Variants in WDR37 observed in about 807,000 individuals in gnomAD.
WDR37 encodes the protein WD repeat-containing protein 37.
WDR37 carries 19 observed loss-of-function variants against 62.9 expected under a neutral mutation model. That is an observed-to-expected ratio of 0.30 (90% confidence interval 0.21 to 0.44). The LOEUF is 0.44. Ranked by LOEUF, WDR37 falls within the 20% of genes least tolerant of loss-of-function variation. The pLI is 1.00. For missense variants in WDR37, 474 were observed against 657.6 expected, an observed-to-expected ratio of 0.72 and a Z score of 3.05; for synonymous variants, 250 against 260.9, an observed-to-expected ratio of 0.96 and a Z score of 0.40.
intron 9 of WDR37, among the ~76,000 whole-genome samples, chr10:1,099,808 G>A (rs1472228018): frequency 1.3e-5 from 2 of 151,028 alleles, no homozygotes; most frequent in East Asian, 3.9e-4. Context: ...AATTCAAAAT[G>A]TGCACTAATG....
chr10:1,111,518 C>T (rs757446393), intron 11 of WDR37, among the ~76,000 whole-genome samples: 7 of 152,194 alleles, frequency 4.6e-5, no homozygotes, highest in Admixed American at 2.0e-4. Flanking sequence ...TCCCCTGAAA[C>T]GTGTGGTCAT....
At chr10:1,089,969 G>A (rs1355816521) in intron 7 of WDR37, among the ~76,000 whole-genome samples, 3 of 151,970 alleles carry the variant, frequency 2.0e-5, no homozygotes, top group Non-Finnish European at 4.4e-5. Flanking sequence ...TTCCACTAGG[G>A]GATTTTTCTT....
intron 1 of WDR37, 94 bp from the exon 2 acceptor site, chr10:1,072,022 G>A (rs1833746895): frequency 1.0e-6 from 1 of 976,338 alleles, no homozygotes; most frequent in Admixed American, 3.0e-5. Flanking sequence ...TAGTAAGGAA[G>A]CTTGTAATTA....
chr10:1,107,069 T>G (rs1189923503), intron 11 of WDR37, among the ~76,000 whole-genome samples: 4 of 152,230 alleles, frequency 2.6e-5, no homozygotes, highest in Non-Finnish European at 5.9e-5. Flanking sequence ...AGCACTGTGT[T>G]GTTGCTGCAT....
chr10:1,101,758 C>T (rs948945595), intron 9 of WDR37, among the ~76,000 whole-genome samples: 1 of 152,156 alleles, frequency 6.6e-6, no homozygotes, highest in Non-Finnish European at 1.5e-5. Context: ...AATGTTGTTC[C>T]TCAGCCCGGG....
At chr10:1,104,423 G>A (rs68128658) in intron 10 of WDR37, among the ~76,000 whole-genome samples, 2 of 152,162 alleles carry the variant, frequency 1.3e-5, no homozygotes, top group African/African-American at 2.4e-5. Context: ...CACAGCAGCC[G>A]CTTTCCTCTG....
chr10:1,108,617 C>T lies in WDR37; in HGVS notation c.1103+3350C>T, dbSNP rs146697712. On this transcript the variant is annotated intron_variant, in intron 11 of 13. Transcript: ENST00000263150. ...AGTCCTGCAGAAGGGGATCTTTGTA[C>T]TTCTGTCTACACTGGTTAGTTGGCA... Among the ~76,000 whole-genome samples, 673 of 152,266 alleles carry T rather than the reference C, an allele frequency of 4.4e-3. 5 individuals are homozygous for T. Among genetic ancestry groups the T allele is most frequent in the African/African-American group, 0.016 (648 of 41,522 alleles).
chr10:1,083,376 C>T (rs567342995), intron 5 of WDR37, among the ~76,000 whole-genome samples: 13 of 152,284 alleles, frequency 8.5e-5, no homozygotes, highest in East Asian at 1.9e-4. Context: ...CTCGAGGGTG[C>T]GGACCCAAAT....
intron 9 of WDR37, among the ~76,000 whole-genome samples, chr10:1,100,824 AC>A (rs931201372): frequency 2.6e-5 from 4 of 151,916 alleles, no homozygotes; most frequent in Admixed American, 6.6e-5. Context: ...GTCACCCATC[AC>A]CCCCTGCCTT....
chr10:1,062,394 C>T (rs1485605701), intron 1 of WDR37, among the ~76,000 whole-genome samples: 2 of 152,142 alleles, frequency 1.3e-5, no homozygotes, highest in Non-Finnish European at 2.9e-5. Context: ...ATTGTAATCT[C>T]TGCATTTTTG....
In WDR37 at chr10:1,129,631, G is replaced by C. The variant is rs1259347415; in HGVS notation, c.*287G>C. On this transcript the variant is annotated 3_prime_UTR_variant, in exon 14 of 14. Transcript: ENST00000263150. ...AAATGCTTGTGAGTTGTTGACATTGGACAGGTGAACAGTAGGGCATTACAT... is the reference window on the plus strand; with the variant it reads ...AAATGCTTGTGAGTTGTTGACATTGCACAGGTGAACAGTAGGGCATTACAT... 2 of 323,696 alleles carry C rather than the reference G, an allele frequency of 6.2e-6. No homozygotes were observed. Among genetic ancestry groups the C allele is most frequent in the African/African-American group, 2.1e-5 (1 of 47,072 alleles). The allele number at this position is 323,696 out of a possible 1,614,324, so 20.1% of individuals were successfully genotyped here.
chr10:1,061,337 A>G (rs1270130982), intron 1 of WDR37, among the ~76,000 whole-genome samples: 5 of 152,092 alleles, frequency 3.3e-5, no homozygotes, highest in African/African-American at 1.2e-4. Flanking sequence ...CCCTCTTCCC[A>G]TGATACCAAC....
chr10:1,089,625 A>G (rs1172270983), intron 7 of WDR37, among the ~76,000 whole-genome samples: 7 of 90,282 alleles, frequency 7.8e-5, no homozygotes, highest in African/African-American at 1.4e-4. Context: ...CAACCTTCCC[A>G]TGCTCACCCA....
chr10:1,098,887 TC>T (rs34884137), intron 9 of WDR37, among the ~76,000 whole-genome samples: 1 of 152,188 alleles, frequency 6.6e-6, no homozygotes, highest in Non-Finnish European at 1.5e-5. Flanking sequence ...GCTCCATCCT[TC>T]CTTTCAACAG....
Position 1,129,682 on chromosome 10 carries a change from GTATT to G in WDR37, c.*339_*342del. The G allele has an allele frequency of 5.3e-6, 1 of 187,578 alleles. No individual in the cohort carries two copies. 11.6% of individuals were successfully genotyped at this position (187,578 alleles called of 1,614,324 possible). A position where few individuals can be genotyped will look rare whatever the true frequency, so the allele number is the denominator to read the frequency against. ...TTGTGTGAATTAAATGTGAACTTCT[GTATT>G]ACGTTGCGGCGTCGGCAGTCCTGCG... On this transcript the variant is annotated 3_prime_UTR_variant, in exon 14 of 14. Coordinates refer to ENST00000263150, the MANE Select transcript of WDR37 (RefSeq NM_014023.4).
chr10:1,074,966 C>T (rs571918720), intron 2 of WDR37, among the ~76,000 whole-genome samples: 3 of 152,350 alleles, frequency 2.0e-5, no homozygotes, highest in Non-Finnish European at 2.9e-5. Context: ...CAGGTGCTTT[C>T]AGGTGTGTGT....
chr10:1,125,625 C>G (rs2131695347), intron 13 of WDR37, among the ~76,000 whole-genome samples: 1 of 152,240 alleles, frequency 6.6e-6, no homozygotes, highest in South Asian at 2.1e-4. Context: ...GTGGTGGTGG[C>G]TCTGTGGGGA....
Position 1,093,515 on chromosome 10 carries a change from T to C in WDR37, c.649+19T>C. On this transcript the variant is annotated intron_variant, in intron 8 of 13. Coordinates refer to ENST00000263150, the MANE Select transcript of WDR37 (RefSeq NM_014023.4). ...CTCACTGGTATGTTGATTTTTTTCT[T>C]TATTGAACAAAATGATAGATGGTCT... The C allele has an allele frequency of 6.3e-7, 1 of 1,593,706 alleles. No homozygotes were observed. The highest frequency in any genetic ancestry group is 8.6e-7 in the Non-Finnish European group (1 of 1,165,438).
At chr10:1,128,605 T>G (rs1835871289) in intron 13 of WDR37, among the ~76,000 whole-genome samples, 1 of 152,270 alleles carries the variant, frequency 6.6e-6, no homozygotes, top group Non-Finnish European at 1.5e-5. Flanking sequence ...TCATTTAATT[T>G]ACCTCTAAAT....
Sources: gnomAD v4.1 joint callset for allele counts (sites outside exome capture counted in the v4.1 genomes callset) on GRCh38, gnomAD v4.1.1 for gene constraint, MANE v1.5 for transcripts, NCBI Gene and HGNC (gene_info 2026-07-23, HGNC 2026-07-21) for gene names.